TMEM231: variants seen among roughly 807,000 people sequenced by gnomAD.
The protein encoded by TMEM231 is transmembrane protein 231.
A neutral mutation model predicts 38.5 loss-of-function variants in TMEM231; 40 were observed. The observed-to-expected ratio is 1.04, with a 90% CI of 0.81 to 1.35. The LOEUF (loss-of-function observed/expected upper bound fraction) is 1.35, where lower values mean the gene tolerates loss of function less well. Ranked by LOEUF, TMEM231 falls within the 40% of genes most tolerant of loss-of-function variation. TMEM231 has a pLI of 0.00. For missense variants in TMEM231, 420 were observed against 416.9 expected (o/e 1.01, Z -0.07); for synonymous variants, 199 against 181.7 (o/e 1.10, Z -0.77).
chr16:75,556,054 G>A lies in TMEM231; in HGVS notation c.139+17C>T, dbSNP rs759518508. 9 of 1,564,926 alleles carry A rather than the reference G, an allele frequency of 5.8e-6. No homozygotes were observed. Among genetic ancestry groups the A allele is most frequent in the Non-Finnish European group, 6.9e-6 (8 of 1,155,298 alleles). On this transcript the variant is annotated intron_variant, in intron 1 of 6. Transcript: ENST00000258173. Reference sequence around the variant, plus strand: ...CGCCCGGGGAGCCTCGTGGCACAGCGGCCGGGGCAGGCTCACCGTGGCTCC... The same window carrying A: ...CGCCCGGGGAGCCTCGTGGCACAGCAGCCGGGGCAGGCTCACCGTGGCTCC...
chr16:75,539,526 T>C lies in TMEM231; in HGVS notation c.*468A>G, dbSNP rs975516570. On this transcript the variant is annotated 3_prime_UTR_variant, in exon 7 of 7. Transcript: ENST00000258173. ...GGAAATCAAAGCTGTGAATGGGAAA[T>C]GGAGAAGCCCAGGGGTGCAAAGTGC... The C allele has an allele frequency of 4.0e-5, 6 of 151,768 alleles. No homozygotes were observed. Among genetic ancestry groups the C allele is most frequent in the Admixed American group, 3.3e-4 (5 of 15,180 alleles). The allele number at this position is 151,768 out of a possible 1,614,324, so 9.4% of individuals were successfully genotyped here. A position where few individuals can be genotyped will look rare whatever the true frequency, so the allele number is the denominator to read the frequency against.
At chr16:75,555,781 A>T (rs1453812542) in intron 2 of TMEM231, 23 bp downstream of exon 2, 1 of 1,503,502 alleles carries the variant, frequency 6.7e-7, no homozygotes, top group South Asian at 1.3e-5. Context: ...ACTCTGCCCC[A>T]GGCCCAGGCG....
At position 75,541,447 on chromosome 16, in the gene TMEM231, C is replaced by A. The variant is rs746055228; in HGVS notation, c.673G>T (p.Val225Phe). Residue 225 changes from valine to phenylalanine, a missense_variant, in exon 6 of 7, where the codon GTC becomes TTC. Val to Phe is a conservative substitution (Grantham distance 50). Transcript: ENST00000258173. ...CAGATGGGGTTGGGATCATTCAGGACGGTGGTAACTGCAATGCAATCATTA... is the reference window on the plus strand; with the variant it reads ...CAGATGGGGTTGGGATCATTCAGGAAGGTGGTAACTGCAATGCAATCATTA... ...AAYQERNVTTVLNDPNPIWLV... is the reference protein window; with the variant it reads ...AAYQERNVTTFLNDPNPIWLV... The A allele has an allele frequency of 6.2e-7, 1 of 1,605,388 alleles. No individual in the cohort carries two copies. Among genetic ancestry groups the A allele is most frequent in the Non-Finnish European group, 8.5e-7 (1 of 1,174,708 alleles).
rs1190873204 is a variant in TMEM231, at chr16:75,538,959, C to T, written c.*1035G>A. 3.9e-5 allele frequency: 6 copies of T among 152,348 alleles called. No homozygotes were observed. The highest frequency in any genetic ancestry group is 8.8e-5 in the Non-Finnish European group (6 of 68,138). The allele number at this position is 152,348 out of a possible 1,614,324, so 9.4% of individuals were successfully genotyped here. ...CAGCATCCTCTTTACACTCTTACTG[C>T]TTCTTGTGTCCTTCCCAAAGCTGCC... is the stretch of plus-strand genomic sequence containing the variant. On this transcript the variant is annotated 3_prime_UTR_variant, in exon 7 of 7. Coordinates refer to ENST00000258173, the MANE Select transcript of TMEM231 (RefSeq NM_001077418.3).
chr16:75,546,965 A>G (rs1385829991), intron 2 of TMEM231, among the ~76,000 whole-genome samples: 1 of 152,214 alleles, frequency 6.6e-6, no homozygotes, highest in East Asian at 1.9e-4. Context: ...AGAGGTCTGT[A>G]GAGGAAAAAA....
chr16:75,555,881 C>T lies in TMEM231; in HGVS notation c.232G>A (p.Asp78Asn), dbSNP rs753709447. 1.3e-6 allele frequency: 2 copies of T among 1,593,616 alleles called. 1 individual carries two copies. The highest frequency in any genetic ancestry group is 3.3e-4 in the Middle Eastern group (2 of 6,010). ...AACGTGCTCCAGGCGAGGAACCCGT[C>T]GCTTTCGGGTCCGAGCAGGGCCACG... Reference protein sequence around the residue: ...LLVALLGPESDGFLAWSTFPA... With the variant: ...LLVALLGPESNGFLAWSTFPA... The change falls in exon 2 of 7, where the codon GAC becomes AAC. Residue 78 changes from aspartate (D) to asparagine (N), a missense_variant. Coordinates refer to ENST00000258173, the MANE Select transcript of TMEM231 (RefSeq NM_001077418.3).
In TMEM231 at chr16:75,537,075, T is replaced by C. The variant is rs538255196; in HGVS notation, c.*2919A>G. The C allele has an allele frequency of 7.0e-6, 1 of 142,074 alleles. No individual in the cohort carries two copies. Among genetic ancestry groups the C allele is most frequent in the East Asian group, 2.1e-4 (1 of 4,806 alleles). 8.8% of individuals were successfully genotyped at this position (142,074 alleles called of 1,614,324 possible). On this transcript the variant is annotated 3_prime_UTR_variant, in exon 7 of 7. Coordinates refer to ENST00000258173, the MANE Select transcript of TMEM231 (RefSeq NM_001077418.3). ...AGGTAGAGGCTGCAATGAGCTGAGA[T>C]CATGCTGCTGCACTCCAGCCTGGGT...
intron 2 of TMEM231, chr16:75,555,576 A>T: frequency 2.0e-6 from 1 of 490,720 alleles, no homozygotes; most frequent in Non-Finnish European, 3.5e-6. Context: ...ACACGCTGAC[A>T]GCATGGCTAA....
At chr16:75,548,061 G>A (rs2080715130) in intron 2 of TMEM231, among the ~76,000 whole-genome samples, 1 of 152,166 alleles carries the variant, frequency 6.6e-6, no homozygotes, top group African/African-American at 2.4e-5. Flanking sequence ...CAGGCAGGCA[G>A]AACAGGTATT....
chr16:75,549,896 A>C (rs2080737405), intron 2 of TMEM231, among the ~76,000 whole-genome samples: 1 of 152,026 alleles, frequency 6.6e-6, no homozygotes, highest in Admixed American at 6.6e-5. Flanking sequence ...TTTAGTAGAG[A>C]TGGGGTTTCA....
At chr16:75,544,791 G>A (rs2080663632) in intron 4 of TMEM231, among the ~76,000 whole-genome samples, 1 of 152,060 alleles carries the variant, frequency 6.6e-6, no homozygotes, top group Admixed American at 6.5e-5. Flanking sequence ...AAGCAATTTA[G>A]TTCTTCGACA....
intron 4 of TMEM231, among the ~76,000 whole-genome samples, chr16:75,542,959 A>G (rs2080644762): frequency 6.6e-6 from 1 of 152,016 alleles, no homozygotes; most frequent in Admixed American, 6.6e-5. Context: ...ATTTAAGCCC[A>G]TTTACTCTCA....
At chr16:75,542,850 C>T (rs902731151) in intron 4 of TMEM231, among the ~76,000 whole-genome samples, 167 bp from the exon 5 acceptor site, 8 of 151,936 alleles carry the variant, frequency 5.3e-5, no homozygotes, top group Admixed American at 2.0e-4. Context: ...CAGGCTGCTG[C>T]CCACCCAGGC....
At position 75,539,110 on chromosome 16, in the gene TMEM231, G is replaced by A. The variant is rs2080591896; in HGVS notation, c.*884C>T. The A allele has an allele frequency of 1.3e-5, 2 of 151,854 alleles. No homozygotes were observed. Among genetic ancestry groups the A allele is most frequent in the African/African-American group, 2.4e-5 (1 of 41,362 alleles). 9.4% of individuals were successfully genotyped at this position (151,854 alleles called of 1,614,324 possible). A position where few individuals can be genotyped will look rare whatever the true frequency, so the allele number is the denominator to read the frequency against. ...GGAGCCAATCCCAACACCAACCCCT[G>A]TCGCCCCTGTCCTTTGCAGGAAGGG... On this transcript the variant is annotated 3_prime_UTR_variant, in exon 7 of 7. Transcript: ENST00000258173.
chr16:75,552,625 G>C (rs966669885), intron 2 of TMEM231, among the ~76,000 whole-genome samples: 1 of 152,178 alleles, frequency 6.6e-6, no homozygotes, highest in Non-Finnish European at 1.5e-5. Flanking sequence ...TTCTACTACT[G>C]TCTCTGGGGT....
chr16:75,536,769 TTG>T lies in TMEM231; in HGVS notation c.*3223_*3224del, dbSNP rs1261965555. The T allele has an allele frequency of 6.6e-6, 1 of 152,216 alleles. No individual in the cohort carries two copies. The highest frequency in any genetic ancestry group is 1.9e-4 in the East Asian group (1 of 5,200). 9.4% of individuals were successfully genotyped at this position (152,216 alleles called of 1,614,324 possible). A position where few individuals can be genotyped will look rare whatever the true frequency, so the allele number is the denominator to read the frequency against. On this transcript the variant is annotated 3_prime_UTR_variant, in exon 7 of 7. Coordinates refer to ENST00000258173, the MANE Select transcript of TMEM231 (RefSeq NM_001077418.3). ...TTTCTACACAAGGTTTATAAAAGTG[TTG>T]TTTGTGATACTAAAAAGGTTACATA... is the stretch of plus-strand genomic sequence containing the variant.
intron 2 of TMEM231, among the ~76,000 whole-genome samples, chr16:75,549,222 T>C (rs1430128974): frequency 1.3e-5 from 2 of 152,238 alleles, no homozygotes; most frequent in Non-Finnish European, 2.9e-5. Flanking sequence ...ATCAATTATT[T>C]AATTCCATTT....
At chr16:75,543,386 G>C (rs566669305) in intron 4 of TMEM231, among the ~76,000 whole-genome samples, 109 of 152,236 alleles carry the variant, frequency 7.2e-4, no homozygotes, top group Non-Finnish European at 5.6e-4. Context: ...GGCCAACATG[G>C]TGAAACCCCA....
Position 75,553,317 on chromosome 16 carries a change from C to G in TMEM231, c.309+2487G>C, listed in dbSNP as rs554620747. On this transcript the variant is annotated intron_variant, in intron 2 of 6. Transcript: ENST00000258173. The stretch of plus-strand genomic sequence containing the variant: ...AAGAAATACTGAGTTCCAGTCCAGA[C>G]TCTGTTCACTTCAAAGCAGTGGCTC... Among the ~76,000 whole-genome samples, 13 of 152,288 alleles carry G rather than the reference C, an allele frequency of 8.5e-5. No individual in the cohort carries two copies. The South Asian group carries it at 1.7e-3, about 19-fold the overall frequency.
Sources: gnomAD v4.1 joint callset for allele counts (sites outside exome capture counted in the v4.1 genomes callset) on GRCh38, gnomAD v4.1.1 for gene constraint, MANE v1.5 for transcripts, NCBI Gene and HGNC (gene_info 2026-07-23, HGNC 2026-07-21) for gene names.